The following CEP128 variants were observed in gnomAD, a reference collection of about 807,000 sequenced individuals.
CEP128 encodes centrosomal protein 128, also known as centrosomal protein 128kDa.
In CEP128, 132 loss-of-function variants were observed where a neutral mutation model predicts 156.7. The observed-to-expected ratio is 0.84, with a 90% confidence interval of 0.73 to 0.97. CEP128 has a LOEUF of 0.97. CEP128 is among the 50% of genes least tolerant of loss of function. The pLI, the probability that CEP128 is intolerant of heterozygous loss-of-function variation, is 0.00. For missense variants in CEP128, 1,252 were observed against 1,281.9 expected (o/e 0.98, Z 0.36); for synonymous variants, 469 against 448.9 (o/e 1.04, Z -0.57).
chr14:80,895,023 A>G lies in CEP128; in HGVS notation c.645+695T>C, dbSNP rs542165700. ...GAGAAATAAATAAATGAATAAATAC[A>G]CTCCTGAAGTTGACAAATTTGCAAC... On this transcript the variant is annotated intron_variant, in intron 8 of 24. Transcript: ENST00000555265. Among the ~76,000 whole-genome samples the G allele has an allele frequency of 4.6e-5, 7 of 152,208 alleles. No individual in the cohort carries two copies. The East Asian group carries it at 1.2e-3, about 25-fold the overall frequency.
chr14:80,533,829 A>T (rs1889347784), intron 21 of CEP128, among the ~76,000 whole-genome samples: 1 of 152,130 alleles, frequency 6.6e-6, no homozygotes, highest in African/African-American at 2.4e-5. Context: ...TCATCCTTAT[A>T]TTCTAGTCAA....
chr14:80,823,290 T>A (rs1203018272), intron 13 of CEP128, among the ~76,000 whole-genome samples: 1 of 152,232 alleles, frequency 6.6e-6, no homozygotes, highest in East Asian at 1.9e-4. Flanking sequence ...GTGGTTCCAT[T>A]TCGAGATTGC....
chr14:80,597,128 G>C (rs1031658071), intron 19 of CEP128, among the ~76,000 whole-genome samples: 2 of 151,916 alleles, frequency 1.3e-5, no homozygotes, highest in Non-Finnish European at 2.9e-5. Flanking sequence ...ATGAAACAAT[G>C]AGCTGGTTCC....
chr14:80,763,013 T>C (rs1900048196), intron 16 of CEP128, among the ~76,000 whole-genome samples: 2 of 152,208 alleles, frequency 1.3e-5, no homozygotes, highest in Non-Finnish European at 2.9e-5. Context: ...GACTCATAAC[T>C]ACCATATGAA....
chr14:80,579,233 A>G (rs758030030), intron 20 of CEP128, among the ~76,000 whole-genome samples: 4 of 152,228 alleles, frequency 2.6e-5, no homozygotes, highest in Non-Finnish European at 4.4e-5. Flanking sequence ...TATGCTTTTT[A>G]TAACAACAAG....
intron 20 of CEP128, among the ~76,000 whole-genome samples, chr14:80,574,670 T>C (rs969655833): frequency 1.3e-5 from 2 of 152,174 alleles, no homozygotes; most frequent in African/African-American, 4.8e-5. Context: ...ATTACACTTG[T>C]TCCAAAAGAA....
intron 2 of CEP128, among the ~76,000 whole-genome samples, chr14:80,938,641 C>A (rs1885972668): frequency 6.6e-6 from 1 of 151,982 alleles, no homozygotes; most frequent in South Asian, 2.1e-4. Flanking sequence ...AAAAAAAGGT[C>A]CAGAATTTTT....
At chr14:80,487,637 C>T (rs1019962166), downstream of CEP128, among the ~76,000 whole-genome samples, 59 of 152,160 alleles carry the variant, frequency 3.9e-4, no homozygotes, top group Non-Finnish European at 8.4e-4. Context: ...TAAAGCACTC[C>T]TCAGCAAATG....
chr14:80,520,583 T>C (rs912956791), intron 23 of CEP128, among the ~76,000 whole-genome samples: 3 of 152,200 alleles, frequency 2.0e-5, no homozygotes, highest in African/African-American at 7.2e-5. Flanking sequence ...ATATTCCTAG[T>C]GTGTCAATAA....
chr14:80,705,151 T>C (rs897210826), intron 19 of CEP128, among the ~76,000 whole-genome samples: 8 of 152,142 alleles, frequency 5.3e-5, no homozygotes, highest in Admixed American at 6.6e-5. Flanking sequence ...AGTATTCCTA[T>C]TTCCCAAAAT....
chr14:80,602,798 T>A (rs1892633192), intron 19 of CEP128, among the ~76,000 whole-genome samples: 1 of 151,502 alleles, frequency 6.6e-6, no homozygotes, highest in Admixed American at 6.6e-5. Context: ...ATAAAATAAA[T>A]TAAAAGGAAT....
At position 80,727,188 on chromosome 14, in the gene CEP128, G is replaced by A. The variant is rs539116135; in HGVS notation, c.2806+15887C>T. On this transcript the variant is annotated intron_variant, in intron 19 of 24. Coordinates refer to ENST00000555265, the MANE Select transcript of CEP128 (RefSeq NM_152446.5). ...TTGTCTAACATCGACCTTATACCAC[G>A]ACTTAAACAAAAATAAGGTAACAAT... Among the ~76,000 whole-genome samples, 13 of 152,172 alleles carry A rather than the reference G, an allele frequency of 8.5e-5. No homozygotes were observed. In the South Asian group the frequency reaches 2.5e-3, roughly 29 times the overall value.
At chr14:80,569,866 T>C (rs1415583113) in intron 20 of CEP128, among the ~76,000 whole-genome samples, 2 of 152,102 alleles carry the variant, frequency 1.3e-5, no homozygotes, top group East Asian at 1.9e-4. Context: ...GAGGTAACAT[T>C]TGAGCTGAAA....
At chr14:80,504,246 A>G (rs775681232) in intron 24 of CEP128, among the ~76,000 whole-genome samples, 1 of 152,224 alleles carries the variant, frequency 6.6e-6, no homozygotes, top group Non-Finnish European at 1.5e-5. Flanking sequence ...ACAGTGGTGA[A>G]CAAAACAGGC....
intron 20 of CEP128, among the ~76,000 whole-genome samples, chr14:80,574,123 C>T (rs1891258863): frequency 6.6e-6 from 1 of 152,052 alleles, no homozygotes; most frequent in African/African-American, 2.4e-5. Flanking sequence ...TTAATGAAAC[C>T]TTAAACAGTT....
intron 9 of CEP128, among the ~76,000 whole-genome samples, chr14:80,850,411 C>T (rs1370720987): frequency 3.9e-5 from 6 of 152,108 alleles, no homozygotes; most frequent in Non-Finnish European, 8.8e-5. Flanking sequence ...TCAATACTGA[C>T]GACTAGTGGT....
intron 13 of CEP128, among the ~76,000 whole-genome samples, chr14:80,812,178 TG>T (rs1884594300): frequency 6.6e-6 from 1 of 152,192 alleles, no homozygotes; most frequent in African/African-American, 2.4e-5. Context: ...CTGAGTTAAT[TG>T]GCTCAGGATA....
chr14:80,907,657 C>CA (rs67715110), intron 4 of CEP128, among the ~76,000 whole-genome samples: 12,653 of 63,206 alleles, frequency 0.2, 984 homozygotes, highest in African/African-American at 0.32. Context: ...GACTCTGTTT[C>CA]AAAAAAAAAA....
intron 19 of CEP128, among the ~76,000 whole-genome samples, chr14:80,621,973 T>A (rs933807276): frequency 6.6e-6 from 1 of 152,080 alleles, no homozygotes; most frequent in Non-Finnish European, 1.5e-5. Context: ...AGCAGGTATA[T>A]GCAGGCTGTG....
Sources: gnomAD v4.1 joint callset for allele counts (sites outside exome capture counted in the v4.1 genomes callset) on GRCh38, gnomAD v4.1.1 for gene constraint, MANE v1.5 for transcripts, NCBI Gene and HGNC (gene_info 2026-07-23, HGNC 2026-07-21) for gene names.